Variants in LCP2 observed in about 807,000 individuals in gnomAD.
The protein encoded by LCP2 is lymphocyte cytosolic protein 2.
In LCP2, 29 loss-of-function variants were observed where a neutral mutation model predicts 74.5. That is an observed-to-expected ratio of 0.39 (90% CI 0.29 to 0.53). The LOEUF (loss-of-function observed/expected upper bound fraction) is 0.53, where lower values mean the gene tolerates loss of function less well. LCP2 is among the 20% of genes least tolerant of loss of function. The pLI is 0.72. For missense variants in LCP2, 604 were observed against 634.6 expected, an observed-to-expected ratio of 0.95 and a Z score of 0.52; for synonymous variants, 228 against 229.5, an observed-to-expected ratio of 0.99 and a Z score of 0.06.
Position 170,248,092 on chromosome 5 carries a change from A to G in LCP2, c.*605T>C, listed in dbSNP as rs1397994365. On this transcript the variant is annotated 3_prime_UTR_variant, in exon 21 of 21. Coordinates refer to ENST00000046794, the MANE Select transcript of LCP2 (RefSeq NM_005565.5). ...TTAGGAAACCAAAAAAGTAAAGCAA[A>G]AGACTATTTTAATCCCAGAAGTTAT... 1 of 152,384 alleles carries G rather than the reference A, an allele frequency of 6.6e-6. No homozygotes were observed. Among genetic ancestry groups the G allele is most frequent in the Admixed American group, 6.5e-5 (1 of 15,300 alleles). The allele number at this position is 152,384 out of a possible 1,614,324, so 9.4% of individuals were successfully genotyped here.
At chr5:170,249,380 A>ATATATATATATC (rs57880741) in intron 20 of LCP2, among the ~76,000 whole-genome samples, 1 of 148,016 alleles carries the variant, frequency 6.8e-6, no homozygotes, top group Non-Finnish European at 1.5e-5. Context: ...ATATATATAT[A>ATATATATATATC]TCTACATATC....
chr5:170,271,353 C>T (rs1761894469), intron 6 of LCP2, among the ~76,000 whole-genome samples: 2 of 152,088 alleles, frequency 1.3e-5, no homozygotes, highest in South Asian at 4.1e-4. Flanking sequence ...AAAATGTCCT[C>T]TCATTATAAC....
chr5:170,276,466 A>T (rs1190762741), intron 3 of LCP2, among the ~76,000 whole-genome samples: 1 of 152,088 alleles, frequency 6.6e-6, no homozygotes, highest in Non-Finnish European at 1.5e-5. Context: ...TTCTCTATAA[A>T]GGCAGGGGTT....
At chr5:170,290,252 A>G (rs562523368) in intron 2 of LCP2, among the ~76,000 whole-genome samples, 9 of 152,310 alleles carry the variant, frequency 5.9e-5, no homozygotes, top group Admixed American at 5.9e-4. Context: ...GTACAGAAAG[A>G]GGAAAGCCAC....
In LCP2 at chr5:170,275,818, C is replaced by A; in HGVS notation, c.231G>T (p.Glu77Asp). The change falls in exon 4 of 21, where the codon GAG becomes GAT. Residue 77 changes from glutamate to aspartate, a missense_variant. Transcript: ENST00000046794. ...ACTTGCGTGTGAAGATGCTCCTCCT[C>A]TCTTCGTTCTTGTTGATTTCCTGAC... ...KLSQEINKNE[E>D]RRSIFTRKPQ... The A allele has an allele frequency of 6.3e-7, 1 of 1,580,332 alleles. No individual in the cohort carries two copies. The highest frequency in any genetic ancestry group is 2.3e-5 in the East Asian group (1 of 43,786).
At chr5:170,279,503 T>C (rs1229878819) in intron 3 of LCP2, among the ~76,000 whole-genome samples, 1 of 152,172 alleles carries the variant, frequency 6.6e-6, no homozygotes, top group Non-Finnish European at 1.5e-5. Flanking sequence ...GATTAGGGAA[T>C]CCCTGATGGG....
At chr5:170,274,160 A>G (rs1761944879) in intron 6 of LCP2, 141 bp downstream of exon 6, 1 of 832,936 alleles carries the variant, frequency 1.2e-6, no homozygotes, top group Non-Finnish European at 2.0e-6. Context: ...GGCCCTGTGC[A>G]GAGCACCTTT....
chr5:170,262,341 G>A (rs939511050), intron 13 of LCP2, among the ~76,000 whole-genome samples: 11 of 152,148 alleles, frequency 7.2e-5, no homozygotes, highest in Non-Finnish European at 1.3e-4. Context: ...TTGCTATAAC[G>A]AGGTTGGAAA....
chr5:170,267,010 C>T lies in LCP2; in HGVS notation c.687G>A (p.Lys229=). Reference sequence around the variant, plus strand: ...AGAGAGAGCAGCCCTTGTACTCACGCTTTGCCGTTTTGTGGTTTCTGCTTC... The same window carrying T: ...AGAGAGAGCAGCCCTTGTACTCACGTTTTGCCGTTTTGTGGTTTCTGCTTC... The part of the protein sequence containing the change: ...PSRSRNHKTA[K]LPAPSIDRST... Residue 229 remains lysine, a splice_region_variant and synonymous_variant, in exon 9 of 21, where the codon AAG becomes AAA. Coordinates refer to ENST00000046794, the MANE Select transcript of LCP2 (RefSeq NM_005565.5). 1 of 1,613,910 alleles carries T rather than the reference C, an allele frequency of 6.2e-7. No individual in the cohort carries two copies. Among genetic ancestry groups the T allele is most frequent in the Non-Finnish European group, 8.5e-7 (1 of 1,179,878 alleles).
At chr5:170,293,407 G>A in intron 1 of LCP2, 35 bp from the exon 2 acceptor site, 1 of 1,557,136 alleles carries the variant, frequency 6.4e-7, no homozygotes, top group Non-Finnish European at 8.7e-7. Context: ...GTTAGTGACG[G>A]GCAGTCTCTT....
At chr5:170,286,356 AC>A (rs1029794036) in intron 3 of LCP2, among the ~76,000 whole-genome samples, 4 of 152,244 alleles carry the variant, frequency 2.6e-5, no homozygotes, top group Non-Finnish European at 1.5e-5. Flanking sequence ...ATTTCAAAGC[AC>A]AGTGGTCACC....
At chr5:170,274,115 T>G in intron 6 of LCP2, 186 bp downstream of exon 6, 1 of 610,302 alleles carries the variant, frequency 1.6e-6, no homozygotes. Context: ...AGACAGAGAG[T>G]GCATGGCTCC....
At chr5:170,260,834 G>C (rs571222083) in intron 14 of LCP2, among the ~76,000 whole-genome samples, 1 of 152,198 alleles carries the variant, frequency 6.6e-6, no homozygotes, top group Non-Finnish European at 1.5e-5. Context: ...CTTGTGCCCT[G>C]TAATTACCGG....
Position 170,258,122 on chromosome 5 carries a change from A to AGCTCATAGGAAGTAGT in LCP2, c.999_1014dup (p.Ser339ThrfsTer15). 1 of 1,613,852 alleles carries AGCTCATAGGAAGTAGT rather than the reference A, an allele frequency of 6.2e-7. No homozygotes were observed. The highest frequency in any genetic ancestry group is 1.1e-5 in the South Asian group (1 of 91,082). ...GTAGATCTTGAAGGGAAAGTGTTGG[A>AGCTCATAGGAAGTAGT]GCTCATAGGAAGTAGTGCTGGCTGG... On this transcript the variant is annotated frameshift_variant, in exon 16 of 21. Coordinates refer to ENST00000046794, the MANE Select transcript of LCP2 (RefSeq NM_005565.5). LOFTEE classifies it high-confidence loss of function.
intron 19 of LCP2, chr5:170,251,350 T>G (rs1177480876): frequency 5.0e-6 from 1 of 201,194 alleles, no homozygotes; most frequent in Non-Finnish European, 1.0e-5. Context: ...TAAAACCCTG[T>G]GATCTCTAGA....
At chr5:170,269,974 T>C (rs1761865696) in intron 7 of LCP2, among the ~76,000 whole-genome samples, 1 of 152,242 alleles carries the variant, frequency 6.6e-6, no homozygotes, top group African/African-American at 2.4e-5. Context: ...TTATACCGCA[T>C]AAAGGATTAA....
intron 8 of LCP2, among the ~76,000 whole-genome samples, chr5:170,267,537 C>G (rs1235276427): frequency 6.6e-6 from 1 of 152,098 alleles, no homozygotes; most frequent in Admixed American, 6.5e-5. Context: ...CTTCTCCCGG[C>G]TCTTCCCACA....
chr5:170,263,239 G>A (rs1235154428), intron 10 of LCP2, among the ~76,000 whole-genome samples: 1 of 152,192 alleles, frequency 6.6e-6, no homozygotes, highest in African/African-American at 2.4e-5. Context: ...CATACAAGTA[G>A]TGTTGTGGAT....
chr5:170,260,885 A>T (rs1025663031), intron 14 of LCP2, among the ~76,000 whole-genome samples: 1 of 152,120 alleles, frequency 6.6e-6, no homozygotes, highest in African/African-American at 2.4e-5. Flanking sequence ...CCACTCTGGG[A>T]GCTCTTAGAG....
Sources: gnomAD v4.1 joint callset for allele counts (sites outside exome capture counted in the v4.1 genomes callset) on GRCh38, gnomAD v4.1.1 for gene constraint, MANE v1.5 for transcripts, NCBI Gene and HGNC (gene_info 2026-07-23, HGNC 2026-07-21) for gene names.